The following MAD2L1BP variants were observed in gnomAD, a reference collection of about 807,000 sequenced individuals.
The protein encoded by MAD2L1BP is MAD2L1-binding protein.
In MAD2L1BP, 22 loss-of-function variants were observed where a neutral mutation model predicts 28.4. That is an observed-to-expected ratio of 0.77 (90% CI 0.55 to 1.10). The LOEUF (loss-of-function observed/expected upper bound fraction) is 1.10, where lower values mean the gene tolerates loss of function less well. MAD2L1BP is among the 50% of genes least tolerant of loss of function. The pLI, the probability that MAD2L1BP is intolerant of heterozygous loss-of-function variation, is 0.00. For missense variants in MAD2L1BP, 325 were observed against 350.5 expected (o/e 0.93, Z 0.58); for synonymous variants, 146 against 133.7 (o/e 1.09, Z -0.63).
upstream of MAD2L1BP, among the ~76,000 whole-genome samples, chr6:43,631,135 A>T (rs1215756010): frequency 6.6e-6 from 1 of 152,110 alleles, no homozygotes; most frequent in East Asian, 1.9e-4. Context: ...AAGCAGTGAG[A>T]GCAGAGAGAC....
In MAD2L1BP at chr6:43,635,938, A is replaced by G; in HGVS notation, c.46+17A>G. 1 of 1,525,812 alleles carries G rather than the reference A, an allele frequency of 6.6e-7. No individual in the cohort carries two copies. The highest frequency in any genetic ancestry group is 8.8e-7 in the Non-Finnish European group (1 of 1,139,296). The allele number at this position is 1,525,812 out of a possible 1,614,324, so 94.5% of individuals were successfully genotyped here. A position where few individuals can be genotyped will look rare whatever the true frequency, so the allele number is the denominator to read the frequency against. ...CAGTCCCTGGTAAGGCGTGGGGCCA[A>G]GAGTTTGGGGAGCCTTGGGGACTTG... On this transcript the variant is annotated intron_variant, in intron 1 of 2. Coordinates refer to ENST00000372171, the MANE Select transcript of MAD2L1BP (RefSeq NM_014628.3).
chr6:43,636,036 C>A, intron 1 of MAD2L1BP, 115 bp downstream of exon 1: 1 of 1,096,382 alleles, frequency 9.1e-7, no homozygotes, highest in Non-Finnish European at 1.3e-6. Context: ...CCCTGTCTTC[C>A]GGGTGTCCTA....
chr6:43,636,412 T>G lies in MAD2L1BP; in HGVS notation c.78T>G (p.Thr26=), dbSNP rs753615307. 8 of 1,614,034 alleles carry G rather than the reference T, an allele frequency of 5.0e-6. No homozygotes were observed. The Admixed American group carries it at 8.3e-5, about 17-fold the overall frequency. ...AGTGGTATGAGAAGTCCGAAGAAACTCACGCCTCCCAGATAGAACTACTTG... is the reference window on the plus strand; with the variant it reads ...AGTGGTATGAGAAGTCCGAAGAAACGCACGCCTCCCAGATAGAACTACTTG... The part of the protein sequence containing the change: ...DLEWYEKSEE[T]HASQIELLET... Residue 26 remains threonine, a synonymous_variant, in exon 2 of 3, where the codon ACT becomes ACG. Transcript: ENST00000372171.
At chr6:43,639,767 T>C (rs1770462207) in intron 2 of MAD2L1BP, among the ~76,000 whole-genome samples, 1 of 152,230 alleles carries the variant, frequency 6.6e-6, no homozygotes, top group Admixed American at 6.5e-5. Context: ...GTTGCTTATA[T>C]CTGGATATCC....
chr6:43,639,363 TCTC>T (rs1413226091), intron 2 of MAD2L1BP, among the ~76,000 whole-genome samples: 11 of 152,162 alleles, frequency 7.2e-5, no homozygotes, highest in African/African-American at 2.2e-4. Flanking sequence ...ATGGTCTTGA[TCTC>T]CTGACCTTGT....
intron 1 of MAD2L1BP, among the ~76,000 whole-genome samples, chr6:43,630,732 G>A (rs1203723405): frequency 6.9e-5 from 10 of 145,892 alleles, no homozygotes; most frequent in African/African-American, 2.3e-4. Flanking sequence ...AACAGAGCGA[G>A]ACTCCAACTA....
At chr6:43,639,950 A>C in intron 2 of MAD2L1BP, 71 bp from the exon 3 acceptor site, 1 of 1,399,488 alleles carries the variant, frequency 7.1e-7, no homozygotes, top group Non-Finnish European at 9.6e-7. Flanking sequence ...ACATCCCAGC[A>C]GGGTTCTTTT....
intron 2 of MAD2L1BP, among the ~76,000 whole-genome samples, chr6:43,638,272 C>T (rs562439668): frequency 1.3e-5 from 2 of 152,010 alleles, no homozygotes; most frequent in South Asian, 4.2e-4. Context: ...GAAGTCCTGA[C>T]CTCAGGTTAT....
upstream of MAD2L1BP, among the ~76,000 whole-genome samples, chr6:43,634,206 T>C (rs968620784): frequency 3.6e-5 from 5 of 139,320 alleles, no homozygotes; most frequent in African/African-American, 1.5e-4. Context: ...CATCCTTTTT[T>C]TTTTTCTTTT....
At chr6:43,634,220 C>CTTTTTTTTTTTTTT (rs751773637), upstream of MAD2L1BP, among the ~76,000 whole-genome samples, 1 of 103,668 alleles carries the variant, frequency 9.6e-6, no homozygotes, top group African/African-American at 4.1e-5. Context: ...TTCTTTTTTT[C>CTTTTTTTTTTTTTT]TTTTTTTTTT....
intron 2 of MAD2L1BP, among the ~76,000 whole-genome samples, chr6:43,637,356 C>T (rs954539626): frequency 9.2e-5 from 14 of 151,698 alleles, no homozygotes; most frequent in East Asian, 3.9e-4. Flanking sequence ...CGTGAACTAC[C>T]GCGCCTGGCC....
At chr6:43,634,760 C>T (rs1770107977), upstream of MAD2L1BP, among the ~76,000 whole-genome samples, 1 of 152,088 alleles carries the variant, frequency 6.6e-6, no homozygotes, top group Non-Finnish European at 1.5e-5. Flanking sequence ...AGCGTTTCAC[C>T]ATGTTGGCCA....
chr6:43,631,160 G>C (rs1337415294), upstream of MAD2L1BP, among the ~76,000 whole-genome samples: 1 of 152,178 alleles, frequency 6.6e-6, no homozygotes, highest in African/African-American at 2.4e-5. Flanking sequence ...ATCTGCAAAA[G>C]GGCCTAGCTG....
chr6:43,636,632 A>G lies in MAD2L1BP; in HGVS notation c.298A>G (p.Lys100Glu), dbSNP rs1770238272. 6.2e-7 allele frequency: 1 copy of G among 1,612,602 alleles called. No individual in the cohort carries two copies. The highest frequency in any genetic ancestry group is 1.3e-5 in the African/African-American group (1 of 75,008). ...TGAACAGCTTAAGCACTTTTACCGA[A>G]AACCTTCTCCCCAGGTAGGCACAGG... ...PYEQLKHFYR[K>E]PSPQAEEMLK... The change falls in exon 2 of 3, where the codon AAA (lysine) becomes GAA (glutamate). Residue 100 changes from lysine to glutamate, a missense_variant. Physicochemically the swap from Lys to Glu is moderately conservative, Grantham distance 56. Transcript: ENST00000372171.
At chr6:43,632,917 G>A (rs931105703), upstream of MAD2L1BP, among the ~76,000 whole-genome samples, 3 of 151,852 alleles carry the variant, frequency 2.0e-5, no homozygotes, top group Non-Finnish European at 4.4e-5. Context: ...AGCTACTTGG[G>A]AGGCTGAGGC....
intron 1 of MAD2L1BP, among the ~76,000 whole-genome samples, chr6:43,629,941 A>C (rs1021323211): frequency 6.6e-6 from 1 of 152,236 alleles, no homozygotes; most frequent in Non-Finnish European, 1.5e-5. Context: ...CCCCGACACG[A>C]GACCCGAACC....
At position 43,636,531 on chromosome 6, in the gene MAD2L1BP, A is replaced by G. The variant is rs149723586; in HGVS notation, c.197A>G (p.Gln66Arg). The G allele has an allele frequency of 1.8e-3, 2,919 of 1,614,194 alleles. 6 individuals carry two copies. The highest frequency in any genetic ancestry group is 2.2e-3 in the South Asian group (201 of 91,078). ...GTGGTGTTTCCTGGGCCTGTGAGCCAGGAAGGCTGCTGTCAGTTTACTTGT... is the reference window on the plus strand; with the variant it reads ...GTGGTGTTTCCTGGGCCTGTGAGCCGGGAAGGCTGCTGTCAGTTTACTTGT... Reference protein sequence around the residue: ...VPVVFPGPVSQEGCCQFTCEL... With the variant: ...VPVVFPGPVSREGCCQFTCEL... The change falls in exon 2 of 3, where the codon CAG (glutamine) becomes CGG (arginine). Residue 66 changes from glutamine to arginine, a missense_variant. Gln to Arg is a conservative substitution (Grantham distance 43, BLOSUM62 1). Coordinates refer to ENST00000372171, the MANE Select transcript of MAD2L1BP (RefSeq NM_014628.3).
Position 43,640,170 on chromosome 6 carries a change from T to C in MAD2L1BP, c.462T>C (p.Leu154=). The change falls in exon 3 of 3, where the codon CTT becomes CTC. Residue 154 remains leucine, a synonymous_variant. Coordinates refer to ENST00000372171, the MANE Select transcript of MAD2L1BP (RefSeq NM_014628.3). ...TAGTACCGCGAGTGCTGATTCTCCT[T>C]GGGGGCAATGCCCTAAGCCCCAAGG... ...RTLVPRVLIL[L]GGNALSPKEF... 1.2e-6 allele frequency: 2 copies of C among 1,613,354 alleles called. No homozygotes were observed. The highest frequency in any genetic ancestry group is 1.7e-6 in the Non-Finnish European group (2 of 1,179,500).
intron 2 of MAD2L1BP, 89 bp from the exon 3 acceptor site, chr6:43,639,932 C>A: frequency 1.7e-6 from 2 of 1,207,512 alleles, no homozygotes; most frequent in Non-Finnish European, 2.3e-6. Flanking sequence ...TCCTGTAAGT[C>A]TATGTACACA....
Sources: gnomAD v4.1 joint callset for allele counts (sites outside exome capture counted in the v4.1 genomes callset) on GRCh38, gnomAD v4.1.1 for gene constraint, MANE v1.5 for transcripts, NCBI Gene and HGNC (gene_info 2026-07-23, HGNC 2026-07-21) for gene names.